GRIK2: variants seen among roughly 807,000 people sequenced by gnomAD.
GRIK2 encodes the protein glutamate ionotropic receptor kainate type subunit 2.
In GRIK2, 32 loss-of-function variants were observed where a neutral mutation model predicts 100.3. That is an observed-to-expected ratio of 0.32 (90% CI 0.24 to 0.43). The LOEUF (loss-of-function observed/expected upper bound fraction) is 0.43. Ranked by LOEUF, GRIK2 falls within the 20% of genes least tolerant of loss-of-function variation. The pLI, the probability that GRIK2 is intolerant of heterozygous loss-of-function variation, is 1.00. For synonymous variants in GRIK2, 417 were observed against 389.4 expected (o/e 1.07, Z -0.83); for missense variants, 843 against 1,114.9 (o/e 0.76, Z 3.47).
chr6:101,836,659 A>ATTT (rs1239661989), intron 10 of GRIK2, among the ~76,000 whole-genome samples: 15,657 of 59,298 alleles, frequency 0.26, 3,891 homozygotes, highest in Non-Finnish European at 0.38. Flanking sequence ...ATATATATAT[A>ATTT]TATTTTTTTT....
At chr6:102,045,146 A>G (rs1016642247) in intron 15 of GRIK2, among the ~76,000 whole-genome samples, 19 of 152,064 alleles carry the variant, frequency 1.2e-4, no homozygotes, top group Non-Finnish European at 5.9e-5. Context: ...ATGGTGAACA[A>G]TATAACCATG....
intron 7 of GRIK2, among the ~76,000 whole-genome samples, chr6:101,715,195 C>T (rs17062386): frequency 6.6e-6 from 1 of 151,678 alleles, no homozygotes; most frequent in Non-Finnish European, 1.5e-5. Flanking sequence ...TATTTGCTCA[C>T]CTTTTTGGTA....
At chr6:102,006,432 G>GA (rs1463058056) in intron 14 of GRIK2, among the ~76,000 whole-genome samples, 1 of 143,760 alleles carries the variant, frequency 7.0e-6, no homozygotes, top group Non-Finnish European at 1.5e-5. Context: ...ACAGTGGTGT[G>GA]ATGATAGCTC....
In GRIK2 at chr6:101,928,599, A is replaced by G; in HGVS notation, c.2052A>G (p.Ala684=). ...LAKQTKIEYG[A]VEDGATMTFF... ...AACAAACCAAGATAGAATATGGAGC[A>G]GTAGAGGATGGTGCAACCATGACTT... The change falls in exon 14 of 17, where the codon GCA becomes GCG. Residue 684 remains alanine, a synonymous_variant. Transcript: ENST00000369134. 3 of 1,599,030 alleles carry G rather than the reference A, an allele frequency of 1.9e-6. No homozygotes were observed. Among genetic ancestry groups the G allele is most frequent in the Non-Finnish European group, 2.6e-6 (3 of 1,166,344 alleles).
At chr6:102,049,589 G>GAGAT (rs1413504618) in intron 15 of GRIK2, among the ~76,000 whole-genome samples, 4 of 152,084 alleles carry the variant, frequency 2.6e-5, no homozygotes, top group Non-Finnish European at 2.9e-5. Flanking sequence ...GAATTTGCAT[G>GAGAT]AGATATATTT....
intron 2 of GRIK2, among the ~76,000 whole-genome samples, chr6:101,490,070 A>C (rs546543422): frequency 1.4e-5 from 2 of 146,730 alleles, no homozygotes; most frequent in South Asian, 4.3e-4. Context: ...GTCTCATAAA[A>C]AGACACAGAG....
At chr6:101,995,472 A>C (rs1794601079) in intron 14 of GRIK2, among the ~76,000 whole-genome samples, 1 of 151,752 alleles carries the variant, frequency 6.6e-6, no homozygotes, top group Non-Finnish European at 1.5e-5. Context: ...AATGATATTG[A>C]CTCTTTCATC....
chr6:101,434,238 T>C (rs1405536550), intron 2 of GRIK2, among the ~76,000 whole-genome samples: 3 of 152,156 alleles, frequency 2.0e-5, no homozygotes, highest in Non-Finnish European at 2.9e-5. Context: ...GAAGAGAGGA[T>C]GCAATGGGAT....
At chr6:102,040,749 G>C (rs1332044832) in intron 15 of GRIK2, among the ~76,000 whole-genome samples, 1 of 151,450 alleles carries the variant, frequency 6.6e-6, no homozygotes, top group African/African-American at 2.4e-5. Context: ...GATATAATAA[G>C]TACTGAAATA....
intron 10 of GRIK2, among the ~76,000 whole-genome samples, chr6:101,854,508 C>T (rs1784320326): frequency 1.3e-5 from 2 of 152,056 alleles, no homozygotes; most frequent in South Asian, 4.2e-4. Flanking sequence ...GATTCACCCA[C>T]CTCGACCTCC....
chr6:101,485,958 CAGCTGGTGGTATGTCTATAA>C lies in GRIK2; in HGVS notation c.115+86570_115+86589del, dbSNP rs1772801644. 3.3e-5 allele frequency among the ~76,000 whole-genome samples: 5 copies of C among 150,342 alleles called. No homozygotes were observed. In the Admixed American group the frequency reaches 3.3e-4, roughly 10 times the overall value. On this transcript the variant is annotated intron_variant, in intron 2 of 16. Coordinates refer to ENST00000369134, the MANE Select transcript of GRIK2 (RefSeq NM_021956.5). ...AAAACAGCTTTACTTTTTTAAGGGACAGCTGGTGGTATGTCTATAAAGCATTATATTAAACCTATGGGTTT... is the reference window on the plus strand; with the variant it reads ...AAAACAGCTTTACTTTTTTAAGGGACAGCATTATATTAAACCTATGGGTTT...
chr6:101,985,646 A>C (rs2128490660), intron 14 of GRIK2, among the ~76,000 whole-genome samples: 1 of 151,912 alleles, frequency 6.6e-6, no homozygotes, highest in Non-Finnish European at 1.5e-5. Context: ...CTTAGCCCTT[A>C]GTAATAGAGG....
chr6:101,426,344 G>C (rs1776696805), intron 2 of GRIK2, among the ~76,000 whole-genome samples: 1 of 152,156 alleles, frequency 6.6e-6, no homozygotes, highest in African/African-American at 2.4e-5. Context: ...ATTACAGAGT[G>C]TCTTCTAGCT....
chr6:101,713,583 T>A (rs1773861786), intron 7 of GRIK2, among the ~76,000 whole-genome samples: 1 of 151,824 alleles, frequency 6.6e-6, no homozygotes, highest in Non-Finnish European at 1.5e-5. Context: ...TAAATCAGTT[T>A]CTCTTTATTG....
chr6:101,460,842 G>A (rs918181917), intron 2 of GRIK2, among the ~76,000 whole-genome samples: 2 of 151,988 alleles, frequency 1.3e-5, no homozygotes, highest in Admixed American at 1.3e-4. Context: ...TTTTTTCTTT[G>A]ATGAAAAGTC....
intron 5 of GRIK2, among the ~76,000 whole-genome samples, chr6:101,677,610 C>T (rs1410494296): frequency 1.3e-5 from 2 of 152,096 alleles, no homozygotes; most frequent in African/African-American, 4.8e-5. Context: ...AGGCCCTACA[C>T]TTACTATGTA....
chr6:101,530,728 A>G (rs1775400992), intron 2 of GRIK2, among the ~76,000 whole-genome samples: 1 of 152,008 alleles, frequency 6.6e-6, no homozygotes, highest in Admixed American at 6.6e-5. Flanking sequence ...TTGGTGACTG[A>G]CACTGGAATT....
intron 2 of GRIK2, among the ~76,000 whole-genome samples, chr6:101,406,141 GT>G (rs1562114914): frequency 6.6e-6 from 1 of 152,120 alleles, no homozygotes; most frequent in Admixed American, 6.5e-5. Context: ...CAAAGTGACA[GT>G]TACCTAACCT....
At chr6:101,588,990 A>C (rs1778517810) in intron 2 of GRIK2, among the ~76,000 whole-genome samples, 1 of 152,060 alleles carries the variant, frequency 6.6e-6, no homozygotes, top group South Asian at 2.1e-4. Context: ...ATTAGGGAAA[A>C]ACAAAGCTTA....
Sources: allele counts gnomAD v4.1 joint callset (sites outside exome capture counted in the v4.1 genomes callset), GRCh38; gene constraint gnomAD v4.1.1; transcripts MANE v1.5; gene names NCBI Gene and HGNC (gene_info 2026-07-23, HGNC 2026-07-21).